PTPRN2: variants seen among roughly 807,000 people sequenced by gnomAD.
PTPRN2 encodes the protein receptor-type tyrosine-protein phosphatase N2.
A neutral mutation model predicts 118.8 loss-of-function variants in PTPRN2; 74 were observed. The observed-to-expected ratio is 0.62, with a 90% CI of 0.52 to 0.76. The LOEUF (loss-of-function observed/expected upper bound fraction) is 0.76, where lower values mean the gene tolerates loss of function less well. Ranked by LOEUF, PTPRN2 falls within the 30% of genes least tolerant of loss-of-function variation. The pLI is 0.00. For missense variants in PTPRN2, 1,481 were observed against 1,394.4 expected (o/e 1.06, Z -0.99); for synonymous variants, 641 against 608.0 (o/e 1.05, Z -0.80).
intron 1 of PTPRN2, among the ~76,000 whole-genome samples, chr7:158,548,919 T>G (rs1826462688): frequency 6.6e-6 from 1 of 152,184 alleles, no homozygotes; most frequent in African/African-American, 2.4e-5. Flanking sequence ...AGGAAAGACC[T>G]TCCGGGACCT....
intron 11 of PTPRN2, among the ~76,000 whole-genome samples, chr7:157,943,362 T>C (rs1271978458): frequency 6.6e-6 from 1 of 152,104 alleles, no homozygotes; most frequent in Non-Finnish European, 1.5e-5. Flanking sequence ...CCTTTCTGAA[T>C]GGCCGACTTA....
rs905437331 is a variant in PTPRN2, at chr7:158,174,478, CCAT to C, written c.550-7190_550-7188del. Among the ~76,000 whole-genome samples, 51 of 151,328 alleles carry C rather than the reference CCAT, an allele frequency of 3.4e-4. No homozygotes were observed. The South Asian group carries it at 8.6e-3, about 25-fold the overall frequency. ...CATCACCTCAACCATCAGCTTCCCA[CCAT>C]CATCATCATCAGCAGCAGCAGCACC... On this transcript the variant is annotated intron_variant, in intron 5 of 22. Coordinates refer to ENST00000389418, the MANE Select transcript of PTPRN2 (RefSeq NM_002847.5).
intron 11 of PTPRN2, among the ~76,000 whole-genome samples, chr7:157,925,817 A>G (rs188073244): frequency 6.6e-6 from 1 of 152,146 alleles, no homozygotes; most frequent in Non-Finnish European, 1.5e-5. Flanking sequence ...GACAATCAGG[A>G]ACCAGTGACG....
chr7:158,135,074 C>A (rs1020843376), intron 8 of PTPRN2, among the ~76,000 whole-genome samples: 1 of 152,152 alleles, frequency 6.6e-6, no homozygotes, highest in Non-Finnish European at 1.5e-5. Context: ...CCCACGGACA[C>A]CTCCTGGTGC....
At chr7:157,754,848 G>T (rs1410188787) in intron 12 of PTPRN2, among the ~76,000 whole-genome samples, 3 of 152,234 alleles carry the variant, frequency 2.0e-5, no homozygotes, top group Admixed American at 1.3e-4. Context: ...CTGCAGCGGG[G>T]TGTGCTTCAA....
intron 14 of PTPRN2, among the ~76,000 whole-genome samples, chr7:157,640,525 A>G (rs1804608070): frequency 6.6e-6 from 1 of 152,242 alleles, no homozygotes; most frequent in African/African-American, 2.4e-5. Flanking sequence ...GGAGAAAGGA[A>G]TTCTCAGATT....
chr7:158,271,083 C>G (rs1414043488), intron 3 of PTPRN2, among the ~76,000 whole-genome samples: 3 of 147,158 alleles, frequency 2.0e-5, no homozygotes, highest in Non-Finnish European at 3.0e-5. Flanking sequence ...CCTGGACGAC[C>G]CCCTCCACCT....
In PTPRN2 at chr7:157,773,682, G is replaced by A. The variant is rs932183777; in HGVS notation, c.1789-90745C>T. ...GCCTCCCTCTGTCTGTGTTGCCTCT[G>A]TTCCTTGGAGCTGTATCTTCCTCAG... On this transcript the variant is annotated intron_variant, in intron 12 of 22. Coordinates refer to ENST00000389418, the MANE Select transcript of PTPRN2 (RefSeq NM_002847.5). Among the ~76,000 whole-genome samples, 14 of 152,362 alleles carry A rather than the reference G, an allele frequency of 9.2e-5. No individual in the cohort carries two copies. The East Asian group carries it at 2.7e-3, about 29-fold the overall frequency.
rs183115380 is a variant in PTPRN2 at position 158,132,420 on chromosome 7, A to C, written c.1556+1257T>G. Among the ~76,000 whole-genome samples the C allele has an allele frequency of 4.6e-5, 7 of 151,096 alleles. No individual in the cohort carries two copies. The East Asian group carries it at 1.4e-3, about 29-fold the overall frequency. On this transcript the variant is annotated intron_variant, in intron 9 of 22. Transcript: ENST00000389418. ...ACAAACCAATACACATCTACCCGAC[A>C]CACACTCATACACACATACATATGC...
intron 2 of PTPRN2, among the ~76,000 whole-genome samples, chr7:158,405,545 C>T (rs983948116): frequency 5.9e-5 from 9 of 152,222 alleles, no homozygotes; most frequent in Admixed American, 3.3e-4. Context: ...ACAAAGCCTC[C>T]GCAAGCTTGC....
At chr7:158,116,349 A>G (rs1816727179) in intron 9 of PTPRN2, among the ~76,000 whole-genome samples, 1 of 152,276 alleles carries the variant, frequency 6.6e-6, no homozygotes, top group Non-Finnish European at 1.5e-5. Context: ...CTGTGCTAGT[A>G]GGATCTGTCT....
intron 2 of PTPRN2, among the ~76,000 whole-genome samples, chr7:158,368,396 A>T (rs1809692086): frequency 6.6e-6 from 1 of 152,142 alleles, no homozygotes; most frequent in African/African-American, 2.4e-5. Flanking sequence ...CTTGAAAAAG[A>T]AAAAATGGTA....
intron 3 of PTPRN2, among the ~76,000 whole-genome samples, chr7:158,251,161 G>A (rs1415005501): frequency 1.3e-5 from 2 of 152,116 alleles, no homozygotes; most frequent in Non-Finnish European, 2.9e-5. Context: ...ACAGCATGAC[G>A]GTAATAATGT....
chr7:157,548,796 T>G, intron 22 of PTPRN2, 150 bp downstream of exon 22: 1 of 774,846 alleles, frequency 1.3e-6, no homozygotes, highest in Non-Finnish European at 2.1e-6. Context: ...ACCCCGCCCA[T>G]GCAAGGCCGG....
intron 21 of PTPRN2, among the ~76,000 whole-genome samples, chr7:157,564,083 A>T (rs221288): frequency 0.92 from 140,169 of 152,282 alleles, 64,703 homozygotes; most frequent in Middle Eastern, 0.99. Flanking sequence ...GGTCTTTGTG[A>T]CCTTGGATTT....
intron 11 of PTPRN2, among the ~76,000 whole-genome samples, chr7:157,902,708 A>G (rs926750125): frequency 6.6e-6 from 1 of 152,206 alleles, no homozygotes; most frequent in Non-Finnish European, 1.5e-5. Context: ...CTCCTTTTAG[A>G]TGCCGATGCG....
chr7:157,632,501 C>T lies in PTPRN2; in HGVS notation c.2197-10992G>A, dbSNP rs914043715. 2.6e-5 allele frequency among the ~76,000 whole-genome samples: 4 copies of T among 152,198 alleles called. No homozygotes were observed. Among genetic ancestry groups the T allele is most frequent in the Admixed American group, 1.3e-4 (2 of 15,278 alleles). ...AGTAATTTTTTCCTTACCACCTACT[C>T]TTACTAAGTAGGGGAAAGTCTTGTT... On this transcript the variant is annotated intron_variant, in intron 14 of 22. Coordinates refer to ENST00000389418, the MANE Select transcript of PTPRN2 (RefSeq NM_002847.5). The surrounding 1 kb of genome is among the most constrained non-coding windows in gnomAD (Gnocchi z 4.3).
Position 158,134,074 on chromosome 7 carries a change from A to G in PTPRN2, c.1174-15T>C. On this transcript the variant is annotated splice_polypyrimidine_tract_variant and intron_variant, in intron 8 of 22. Transcript: ENST00000389418. Reference sequence around the variant, plus strand: ...AGACGATGGACCTGACAGAGAGGACATTCCGTGAGGGACGTCTGCGAAAGG... The same window carrying G: ...AGACGATGGACCTGACAGAGAGGACGTTCCGTGAGGGACGTCTGCGAAAGG... 1.2e-6 allele frequency: 2 copies of G among 1,605,906 alleles called. No homozygotes were observed. The highest frequency in any genetic ancestry group is 1.7e-6 in the Non-Finnish European group (2 of 1,174,936).
At chr7:158,214,586 T>C (rs1827834565) in intron 3 of PTPRN2, among the ~76,000 whole-genome samples, 1 of 152,180 alleles carries the variant, frequency 6.6e-6, no homozygotes, top group South Asian at 2.1e-4. Context: ...AATGGGGATC[T>C]AGACTTCCTC....
Sources: gnomAD v4.1 joint callset for allele counts (sites outside exome capture counted in the v4.1 genomes callset) on GRCh38, gnomAD v4.1.1 for gene constraint, Gnocchi (gnomAD v3.1) non-coding constraint, MANE v1.5 for transcripts, NCBI Gene and HGNC (gene_info 2026-07-23, HGNC 2026-07-21) for gene names.